The following LRP2 variants were observed in gnomAD, a reference collection of about 807,000 sequenced individuals.
LRP2 encodes LDL receptor related protein 2.
Under a neutral mutation model 531.0 loss-of-function variants are expected in LRP2, and 172 were observed. The ratio of observed to expected loss-of-function variants is 0.32; its 90% confidence interval spans 0.29 to 0.37. The LOEUF (loss-of-function observed/expected upper bound fraction) is 0.37. Among genes scored for constraint, LRP2 ranks in the 10% least tolerant of loss-of-function variants. The probability of loss-of-function intolerance (pLI) is 1.00; values close to 1 mark genes in which losing one functional copy is unlikely to be tolerated. For synonymous variants in LRP2, 1,992 were observed against 2,027.6 expected (o/e 0.98, Z 0.47); for missense variants, 5,167 against 5,868.3 (o/e 0.88, Z 3.90).
At chr2:169,269,325 A>G (rs191399159) in intron 16 of LRP2, among the ~76,000 whole-genome samples, 2,691 of 152,178 alleles carry the variant, frequency 0.018, 76 homozygotes, top group African/African-American at 0.059. Context: ...AACAAAGCTG[A>G]AGGCATCACA....
chr2:169,267,296 G>C (rs2544387), intron 16 of LRP2, among the ~76,000 whole-genome samples: 1 of 152,028 alleles, frequency 6.6e-6, no homozygotes, highest in African/African-American at 2.4e-5. Context: ...AATCAACAGA[G>C]TATACATTCC....
At chr2:169,287,813 T>A (rs1219348667) in intron 9 of LRP2, among the ~76,000 whole-genome samples, 1 of 146,324 alleles carries the variant, frequency 6.8e-6, no homozygotes, top group Non-Finnish European at 1.5e-5. Flanking sequence ...TTTTTCCAAA[T>A]GTTACCAAAT....
At chr2:169,294,484 A>T (rs1684084242) in intron 5 of LRP2, 116 bp downstream of exon 5, 3 of 846,676 alleles carry the variant, frequency 3.5e-6, no homozygotes, top group East Asian at 5.1e-5. Flanking sequence ...CTGACTTCAA[A>T]CTACCAACAT....
intron 13 of LRP2, among the ~76,000 whole-genome samples, chr2:169,276,740 C>T (rs1683565790): frequency 6.6e-6 from 1 of 152,132 alleles, no homozygotes; most frequent in Non-Finnish European, 1.5e-5. Flanking sequence ...ATTAAGTTAA[C>T]CAGCCTATTT....
rs540898933 is a variant in LRP2 at position 169,329,476 on chromosome 2, C to A, written c.80-8592G>T. Among the ~76,000 whole-genome samples, 409 of 152,282 alleles carry A rather than the reference C, an allele frequency of 2.7e-3. 1 individual carries two copies. The highest frequency in any genetic ancestry group is 9.4e-3 in the African/African-American group (389 of 41,558). On this transcript the variant is annotated intron_variant, in intron 1 of 78. Transcript: ENST00000649046. The stretch of plus-strand genomic sequence containing the variant: ...TGACCTCTTGGAGAGTGGTAGGCAA[C>A]AAGGCTGAGAAGATGGAGAAAAAGA...
chr2:169,177,484 C>A (rs1334617421), intron 53 of LRP2, among the ~76,000 whole-genome samples: 2 of 151,914 alleles, frequency 1.3e-5, no homozygotes, highest in African/African-American at 4.8e-5. Flanking sequence ...ATACTTCAGT[C>A]TTCCCATAGA....
At chr2:169,327,703 A>G (rs1574261760) in intron 1 of LRP2, among the ~76,000 whole-genome samples, 2 of 103,292 alleles carry the variant, frequency 1.9e-5, no homozygotes, top group Non-Finnish European at 3.9e-5. Flanking sequence ...TCCGGGAGGG[A>G]GGTGGGGGGA....
Position 169,177,832 on chromosome 2 carries a change from T to A in LRP2, c.10364A>T (p.His3455Leu). The change falls in exon 53 of 79, where the codon CAT becomes CTT. Residue 3455 changes from histidine to leucine, a missense_variant. Around this residue, in one of 6 missense-constraint regions of LRP2, gnomAD observed 1,129 missense variants for 1,362.7 expected, o/e 0.83. Transcript: ENST00000649046. Reference sequence around the variant, plus strand: ...GGGCTGCCTATATGGATGGTACACATGGATGTCAAATGGTCTGTGTGTTGT... The same window carrying A: ...GGGCTGCCTATATGGATGGTACACAAGGATGTCAAATGGTCTGTGTGTTGT... ...VNTTHRPFDI[H>L]VYHPYRQPIV... 6.2e-7 allele frequency: 1 copy of A among 1,614,254 alleles called. No individual in the cohort carries two copies. Among genetic ancestry groups the A allele is most frequent in the Non-Finnish European group, 8.5e-7 (1 of 1,180,024 alleles).
intron 4 of LRP2, among the ~76,000 whole-genome samples, chr2:169,307,010 C>T (rs1051627563): frequency 2.6e-5 from 4 of 152,074 alleles, no homozygotes; most frequent in African/African-American, 9.7e-5. Context: ...ATTATCCTTC[C>T]TTTCAGAATC....
At chr2:169,323,557 T>C (rs1289375102) in intron 1 of LRP2, among the ~76,000 whole-genome samples, 1 of 152,020 alleles carries the variant, frequency 6.6e-6, no homozygotes, top group African/African-American at 2.4e-5. Context: ...TTTAAATAAG[T>C]AGCCTTTACT....
At chr2:169,179,848 T>C (rs1212163812) in intron 52 of LRP2, among the ~76,000 whole-genome samples, 1 of 121,768 alleles carries the variant, frequency 8.2e-6, no homozygotes, top group African/African-American at 2.7e-5. Flanking sequence ...TGAAATATAT[T>C]TCTGAACACA....
chr2:169,245,837 T>C (rs1689984671), intron 21 of LRP2, among the ~76,000 whole-genome samples: 1 of 152,152 alleles, frequency 6.6e-6, no homozygotes, highest in Non-Finnish European at 1.5e-5. Flanking sequence ...AAATGTTAGG[T>C]CTACTTTATT....
At chr2:169,244,525 G>A (rs140227448) in intron 22 of LRP2, among the ~76,000 whole-genome samples, 168 bp downstream of exon 22, 27 of 152,304 alleles carry the variant, frequency 1.8e-4, no homozygotes, top group Middle Eastern at 3.4e-3. Flanking sequence ...GTGCAGGCAC[G>A]TGCCTTTGTT....
chr2:169,258,363 C>T (rs1055037362), intron 17 of LRP2, among the ~76,000 whole-genome samples: 2 of 152,050 alleles, frequency 1.3e-5, no homozygotes, highest in Non-Finnish European at 2.9e-5. Context: ...ATATATCTAA[C>T]GGAAGAACAG....
chr2:169,188,777 G>A (rs1366388109), intron 48 of LRP2, among the ~76,000 whole-genome samples: 3 of 152,136 alleles, frequency 2.0e-5, no homozygotes, highest in East Asian at 3.9e-4. Context: ...AACTCATAGG[G>A]TGAGTGCTAT....
At position 169,259,025 on chromosome 2, in the gene LRP2, C is replaced by A; in HGVS notation, c.2513G>T (p.Gly838Val). Reference sequence around the variant, plus strand: ...CTTAGGAAAACATGAACACACTTACCCGGCAAAAGGATGAACTACCACCGA... The same window carrying A: ...CTTAGGAAAACATGAACACACTTACACGGCAAAAGGATGAACTACCACCGA... ...PRSVVVHPFA[G>V]YLFFTDWFRP... is the part of the protein sequence containing the mutation. Residue 838 changes from glycine to valine, a missense_variant and splice_region_variant, in exon 17 of 79, where the codon GGG (glycine) becomes GTG (valine). By Grantham distance (109) the Gly-to-Val change is moderately radical. Around this residue, in one of 6 missense-constraint regions of LRP2, gnomAD observed 2,811 missense variants for 3,058.0 expected, o/e 0.92. Transcript: ENST00000649046. The A allele has an allele frequency of 6.2e-7, 1 of 1,612,948 alleles. No homozygotes were observed. Among genetic ancestry groups the A allele is most frequent in the Non-Finnish European group, 8.5e-7 (1 of 1,179,404 alleles).
intron 1 of LRP2, among the ~76,000 whole-genome samples, chr2:169,341,889 C>T (rs1026591081): frequency 1.3e-5 from 2 of 152,102 alleles, no homozygotes; most frequent in Admixed American, 6.6e-5. Context: ...TCCCTTTCTG[C>T]CTCTCTATTC....
rs145179638 is a variant in LRP2, at chr2:169,191,963, G to C, written c.8901C>G (p.Pro2967=). The C allele has an allele frequency of 5.0e-4, 806 of 1,614,106 alleles. 2 individuals carry two copies. The highest frequency in any genetic ancestry group is 4.8e-3 in the Middle Eastern group (29 of 6,060). The change falls in exon 48 of 79, where the codon CCC becomes CCG. Residue 2967 remains proline (P), a synonymous_variant. Transcript: ENST00000649046. ...NDRPPDRRCI[P]QSWVCDGDVD... ...CATCGCCATCACAGACCCAAGACTG[G>C]GGAATGCACCTCCTGTCCGGAGGTC...
At chr2:169,228,867 G>A (rs1689297365) in intron 31 of LRP2, among the ~76,000 whole-genome samples, 1 of 152,162 alleles carries the variant, frequency 6.6e-6, no homozygotes, top group African/African-American at 2.4e-5. Flanking sequence ...GGAGATGCCT[G>A]AAAAGTGCTA....
Sources: gnomAD v4.1 joint callset for allele counts (sites outside exome capture counted in the v4.1 genomes callset) on GRCh38, gnomAD v4.1.1 for gene constraint, gnomAD v4.1.1 regional missense constraint, MANE v1.5 for transcripts, NCBI Gene and HGNC (gene_info 2026-07-23, HGNC 2026-07-21) for gene names.